The following GRIK1 variants were observed in gnomAD, a reference collection of about 807,000 sequenced individuals.
GRIK1 encodes the protein glutamate receptor ionotropic, kainate 1.
GRIK1 carries 69 observed loss-of-function variants against 105.7 expected under a neutral mutation model. That is an observed-to-expected ratio of 0.65 (90% CI 0.54 to 0.80). The LOEUF (loss-of-function observed/expected upper bound fraction) is 0.80. Ranked by LOEUF, GRIK1 falls within the 30% of genes least tolerant of loss-of-function variation. The pLI is 0.00. For synonymous variants in GRIK1, 438 were observed against 431.3 expected (o/e 1.02, Z -0.19); for missense variants, 1,109 against 1,167.3 (o/e 0.95, Z 0.73).
intron 1 of GRIK1, among the ~76,000 whole-genome samples, chr21:29,884,319 A>C (rs939242306): frequency 2.0e-5 from 3 of 152,072 alleles, no homozygotes; most frequent in African/African-American, 7.2e-5. Context: ...TTTTAAAACA[A>C]ATCTCATTTT....
At chr21:29,856,129 C>G (rs1257792637) in intron 1 of GRIK1, among the ~76,000 whole-genome samples, 3 of 152,102 alleles carry the variant, frequency 2.0e-5, no homozygotes, top group Non-Finnish European at 4.4e-5. Context: ...GATTGAAAGT[C>G]AGCCCAGTGG....
chr21:29,921,564 A>G (rs954376564), intron 1 of GRIK1, among the ~76,000 whole-genome samples: 11 of 152,196 alleles, frequency 7.2e-5, no homozygotes. Context: ...TTCGTTTTTA[A>G]TTAAGTCTTT....
chr21:29,889,339 C>T lies in GRIK1; in HGVS notation c.118+50044G>A, dbSNP rs547369006. 1.2e-4 allele frequency among the ~76,000 whole-genome samples: 18 copies of T among 152,052 alleles called. No individual in the cohort carries two copies. The South Asian group carries it at 1.2e-3, about 11-fold the overall frequency. On this transcript the variant is annotated intron_variant, in intron 1 of 17. Transcript: ENST00000327783. ...CATATTTGTCCTTCTTTCCATTCTC[C>T]GAGTTCTTTTAAAAGATATGGGAAA... is the stretch of plus-strand genomic sequence containing the variant.
intron 1 of GRIK1, among the ~76,000 whole-genome samples, chr21:29,903,170 A>G (rs1340648777): frequency 6.6e-6 from 1 of 152,254 alleles, no homozygotes; most frequent in Non-Finnish European, 1.5e-5. Flanking sequence ...ACCTAGGACC[A>G]TACAAATCCT....
At chr21:29,570,763 A>G (rs1166310338) in intron 14 of GRIK1, among the ~76,000 whole-genome samples, 1 of 151,918 alleles carries the variant, frequency 6.6e-6, no homozygotes, top group African/African-American at 2.4e-5. Context: ...ATTGAACTGT[A>G]AGTTCCAGAG....
intron 1 of GRIK1, among the ~76,000 whole-genome samples, chr21:29,898,253 C>T (rs1315850218): frequency 1.3e-5 from 2 of 152,188 alleles, no homozygotes; most frequent in East Asian, 3.9e-4. Context: ...GTCCCTGCCC[C>T]ATGAAGCTGA....
chr21:29,701,814 A>G (rs2063818124), intron 1 of GRIK1, among the ~76,000 whole-genome samples: 1 of 152,178 alleles, frequency 6.6e-6, no homozygotes, highest in African/African-American at 2.4e-5. Flanking sequence ...TTGGGATGTG[A>G]CAAAAAGTGG....
chr21:29,645,067 C>T lies in GRIK1; in HGVS notation c.955-2098G>A, dbSNP rs2062590474. ...TATTGGTCTGATGATTTAATAGTCA[C>T]AATAATAGTTCAATAAAGGTTAATA... On this transcript the variant is annotated intron_variant, in intron 6 of 17. Transcript: ENST00000327783. Among the ~76,000 whole-genome samples the T allele has an allele frequency of 2.6e-5, 4 of 152,262 alleles. No homozygotes were observed. In the South Asian group the frequency reaches 8.3e-4, roughly 32 times the overall value.
intron 1 of GRIK1, among the ~76,000 whole-genome samples, chr21:29,873,485 T>A (rs995493602): frequency 1.2e-4 from 18 of 152,330 alleles, no homozygotes; most frequent in African/African-American, 4.3e-4. Flanking sequence ...TATCTGTAAA[T>A]CAACCACATA....
chr21:29,680,950 T>C (rs2063361713), intron 3 of GRIK1, among the ~76,000 whole-genome samples: 2 of 152,050 alleles, frequency 1.3e-5, no homozygotes, highest in South Asian at 2.1e-4. Context: ...CTGACCGACA[T>C]AGTGAAACCC....
chr21:29,882,576 G>A (rs149026586), intron 1 of GRIK1, among the ~76,000 whole-genome samples: 66 of 152,172 alleles, frequency 4.3e-4, no homozygotes, highest in African/African-American at 1.5e-3. Flanking sequence ...AGCTCATGAT[G>A]GGGAAGAATC....
chr21:29,806,564 A>G (rs1203472327), intron 1 of GRIK1, among the ~76,000 whole-genome samples: 1 of 152,156 alleles, frequency 6.6e-6, no homozygotes, highest in Non-Finnish European at 1.5e-5. Flanking sequence ...TTATTTAAAT[A>G]TCAATACTAA....
intron 1 of GRIK1, among the ~76,000 whole-genome samples, chr21:29,914,751 A>G (rs2070935916): frequency 6.6e-6 from 1 of 152,016 alleles, no homozygotes; most frequent in East Asian, 1.9e-4. Context: ...TAGAGTCTAC[A>G]TCTGCTTGGA....
At chr21:29,895,023 C>T (rs2070076912) in intron 1 of GRIK1, among the ~76,000 whole-genome samples, 1 of 152,134 alleles carries the variant, frequency 6.6e-6, no homozygotes, top group African/African-American at 2.4e-5. Context: ...GATGCTTTTT[C>T]CTCCTTAATC....
chr21:29,886,801 T>C (rs148625309), intron 1 of GRIK1, among the ~76,000 whole-genome samples: 2 of 152,248 alleles, frequency 1.3e-5, no homozygotes, highest in East Asian at 3.9e-4. Flanking sequence ...TAAATCCTGG[T>C]AGGTGCTCAT....
At chr21:29,707,073 G>C (rs1442726701) in intron 1 of GRIK1, among the ~76,000 whole-genome samples, 2 of 151,982 alleles carry the variant, frequency 1.3e-5, no homozygotes, top group Admixed American at 6.5e-5. Flanking sequence ...ACCATGTTAG[G>C]CAGGATGGTC....
intron 15 of GRIK1, among the ~76,000 whole-genome samples, chr21:29,556,988 T>C (rs914491660): frequency 7.2e-5 from 11 of 152,126 alleles, no homozygotes; most frequent in Non-Finnish European, 1.3e-4. Context: ...GTTTGGAAAA[T>C]TTGCAAGGAC....
At chr21:29,818,264 G>A (rs542462192) in intron 1 of GRIK1, among the ~76,000 whole-genome samples, 12 of 152,154 alleles carry the variant, frequency 7.9e-5, no homozygotes, top group African/African-American at 2.9e-4. Context: ...ATTTCTGGGA[G>A]CAAACCTTTT....
intron 1 of GRIK1, among the ~76,000 whole-genome samples, chr21:29,791,567 G>A (rs575201392): frequency 2.6e-5 from 4 of 152,220 alleles, no homozygotes; most frequent in African/African-American, 7.2e-5. Context: ...AATAGTCCAC[G>A]CATGATGTTG....
Sources: gnomAD v4.1 joint callset for allele counts (sites outside exome capture counted in the v4.1 genomes callset) on GRCh38, gnomAD v4.1.1 for gene constraint, MANE v1.5 for transcripts, NCBI Gene and HGNC (gene_info 2026-07-23, HGNC 2026-07-21) for gene names.